PPFIA2: variants seen among roughly 807,000 people sequenced by gnomAD.
PPFIA2 encodes liprin-alpha-2.
In PPFIA2, 46 loss-of-function variants were observed where a neutral mutation model predicts 175.5. The observed-to-expected ratio is 0.26, with a 90% confidence interval of 0.21 to 0.34. The LOEUF (loss-of-function observed/expected upper bound fraction) is 0.34, where lower values mean the gene tolerates loss of function less well. Ranked by LOEUF, PPFIA2 falls within the 10% of genes least tolerant of loss-of-function variation. PPFIA2 has a pLI of 1.00. For synonymous variants in PPFIA2, 568 were observed against 511.4 expected (o/e 1.11, Z -1.49); for missense variants, 1,179 against 1,506.1 (o/e 0.78, Z 3.60).
intron 4 of PPFIA2, among the ~76,000 whole-genome samples, chr12:81,489,798 T>C (rs917834933): frequency 2.0e-5 from 3 of 151,858 alleles, no homozygotes; most frequent in Non-Finnish European, 4.4e-5. Flanking sequence ...ATTCAAAACA[T>C]TTATGAGTGG....
intron 4 of PPFIA2, among the ~76,000 whole-genome samples, chr12:81,664,979 T>C (rs1412178382): frequency 4.0e-5 from 6 of 151,898 alleles, no homozygotes; most frequent in South Asian, 2.1e-4. Context: ...TAGGTGGGAA[T>C]TGAACAATGA....
intron 11 of PPFIA2, among the ~76,000 whole-genome samples, chr12:81,369,872 G>A (rs1028984475): frequency 2.0e-5 from 3 of 151,658 alleles, no homozygotes; most frequent in Admixed American, 1.3e-4. Flanking sequence ...TTGATATTTG[G>A]TGAACACGAT....
At chr12:81,471,965 C>T (rs904981073) in intron 4 of PPFIA2, among the ~76,000 whole-genome samples, 1 of 152,058 alleles carries the variant, frequency 6.6e-6, no homozygotes, top group Admixed American at 6.6e-5. Context: ...AAATTGTATA[C>T]ATTAATTATA....
intron 22 of PPFIA2, among the ~76,000 whole-genome samples, chr12:81,316,737 A>C (rs1006113977): frequency 7.3e-5 from 11 of 151,614 alleles, no homozygotes; most frequent in Non-Finnish European, 1.6e-4. Flanking sequence ...TATTCTCTAG[A>C]GGAAAAAAAT....
rs1475000502 is a variant in PPFIA2, at chr12:81,413,517, C to T, written c.646-7614G>A. On this transcript the variant is annotated intron_variant, in intron 7 of 32. Coordinates refer to ENST00000549396, the MANE Select transcript of PPFIA2 (RefSeq NM_003625.5). ...AAGTCACTGCTCTAGCGTGAGGAGGCAGATAAAGTAGAAGGCATAAGCAAC... is the reference window on the plus strand; with the variant it reads ...AAGTCACTGCTCTAGCGTGAGGAGGTAGATAAAGTAGAAGGCATAAGCAAC... Among the ~76,000 whole-genome samples the T allele has an allele frequency of 2.6e-5, 4 of 151,634 alleles. No homozygotes were observed. The East Asian group carries it at 7.7e-4, about 29-fold the overall frequency.
chr12:81,414,283 A>C (rs1165479863), intron 7 of PPFIA2, among the ~76,000 whole-genome samples: 1 of 151,720 alleles, frequency 6.6e-6, no homozygotes, highest in Non-Finnish European at 1.5e-5. Context: ...GTCTGATTGC[A>C]GGGGGCTTTT....
intron 3 of PPFIA2, among the ~76,000 whole-genome samples, chr12:81,680,043 T>C (rs1225276315): frequency 6.6e-6 from 1 of 152,022 alleles, no homozygotes; most frequent in Admixed American, 6.6e-5. Flanking sequence ...TATTTCAATA[T>C]ATTTTATATA....
At chr12:81,347,100 T>C (rs1275560385) in intron 18 of PPFIA2, among the ~76,000 whole-genome samples, 1 of 142,316 alleles carries the variant, frequency 7.0e-6, no homozygotes, top group Non-Finnish European at 1.5e-5. Flanking sequence ...ACCCAGCTAA[T>C]TTTTTTCTTT....
chr12:81,293,514 A>G (rs1277883947), intron 24 of PPFIA2, among the ~76,000 whole-genome samples: 2 of 152,110 alleles, frequency 1.3e-5, no homozygotes, highest in Non-Finnish European at 2.9e-5. Flanking sequence ...AAGAACACAT[A>G]CAAGTGTCCA....
At chr12:81,687,764 T>C (rs556466046) in intron 3 of PPFIA2, among the ~76,000 whole-genome samples, 1 of 151,960 alleles carries the variant, frequency 6.6e-6, no homozygotes, top group African/African-American at 2.4e-5. Flanking sequence ...ATATTTATTA[T>C]AATAATTAAT....
chr12:81,729,331 T>C (rs2080527266), intron 3 of PPFIA2, among the ~76,000 whole-genome samples: 1 of 151,428 alleles, frequency 6.6e-6, no homozygotes, highest in African/African-American at 2.4e-5. Flanking sequence ...ATTCAAGAAA[T>C]CGGGATTTAT....
intron 3 of PPFIA2, among the ~76,000 whole-genome samples, chr12:81,733,519 T>A (rs1452756731): frequency 6.6e-6 from 1 of 151,676 alleles, no homozygotes; most frequent in African/African-American, 2.4e-5. Context: ...ATCTTAAATT[T>A]AAATCTTGTC....
rs191159092 is a variant in PPFIA2 at position 81,420,671 on chromosome 12, A to G, written c.646-14768T>C. Among the ~76,000 whole-genome samples, 348 of 152,140 alleles carry G rather than the reference A, an allele frequency of 2.3e-3. 2 individuals are homozygous for G. Among genetic ancestry groups the G allele is most frequent in the Middle Eastern group, 0.014 (4 of 294 alleles). On this transcript the variant is annotated intron_variant, in intron 7 of 32. Transcript: ENST00000549396. ...GGAAGAAAGCCTATCATATCTATGG[A>G]ACACCATCAAGTGGGCCAGTTTATG...
intron 30 of PPFIA2, among the ~76,000 whole-genome samples, chr12:81,266,659 T>G (rs186346728): frequency 1.3e-5 from 2 of 152,308 alleles, no homozygotes; most frequent in African/African-American, 4.8e-5. Context: ...TTTTTTCTAA[T>G]TTTTTAAAAT....
At chr12:81,683,443 T>C (rs778121204) in intron 3 of PPFIA2, among the ~76,000 whole-genome samples, 1 of 152,020 alleles carries the variant, frequency 6.6e-6, no homozygotes, top group African/African-American at 2.4e-5. Flanking sequence ...CAACTATCCA[T>C]TTAAATTTTA....
At chr12:81,618,459 T>C (rs1406339080) in intron 4 of PPFIA2, among the ~76,000 whole-genome samples, 2 of 151,918 alleles carry the variant, frequency 1.3e-5, no homozygotes, top group Non-Finnish European at 2.9e-5. Context: ...AATTTACTCA[T>C]TAATGTATTA....
chr12:81,698,869 T>C (rs1031615238), intron 3 of PPFIA2, among the ~76,000 whole-genome samples: 22 of 152,034 alleles, frequency 1.4e-4, no homozygotes, highest in Non-Finnish European at 3.1e-4. Context: ...TGTATATGAG[T>C]TATCTATTGT....
At chr12:81,286,617 T>C (rs1181243226) in intron 24 of PPFIA2, among the ~76,000 whole-genome samples, 2 of 152,012 alleles carry the variant, frequency 1.3e-5, no homozygotes, top group East Asian at 3.9e-4. Flanking sequence ...TATGGTACTC[T>C]CAAAACGAAG....
intron 4 of PPFIA2, among the ~76,000 whole-genome samples, chr12:81,648,257 A>G (rs908926930): frequency 6.6e-6 from 1 of 151,942 alleles, no homozygotes; most frequent in Non-Finnish European, 1.5e-5. Flanking sequence ...AAAACTAGGA[A>G]TAGAAAAGAA....
Sources: allele counts gnomAD v4.1 joint callset (sites outside exome capture counted in the v4.1 genomes callset), GRCh38; gene constraint gnomAD v4.1.1; transcripts MANE v1.5; gene names NCBI Gene and HGNC (gene_info 2026-07-23, HGNC 2026-07-21).